The following EXOC4 variants were observed in gnomAD, a reference collection of about 807,000 sequenced individuals.
The protein encoded by EXOC4 is SEC8-like 1.
EXOC4 carries 71 observed loss-of-function variants against 107.2 expected under a neutral mutation model. The observed-to-expected ratio is 0.66, with a 90% CI of 0.55 to 0.81. The LOEUF is 0.81. EXOC4 is among the 30% of genes least tolerant of loss of function. EXOC4 has a pLI of 0.00. For missense variants in EXOC4, 1,108 were observed against 1,189.6 expected (o/e 0.93, Z 1.01); for synonymous variants, 456 against 441.2 (o/e 1.03, Z -0.42).
At chr7:133,432,004 G>T (rs1797866298) in intron 7 of EXOC4, among the ~76,000 whole-genome samples, 1 of 151,918 alleles carries the variant, frequency 6.6e-6, no homozygotes, top group Non-Finnish European at 1.5e-5. Flanking sequence ...ATTGATACCT[G>T]GTATTTAAAA....
At chr7:133,734,004 G>A (rs1795385707) in intron 10 of EXOC4, among the ~76,000 whole-genome samples, 2 of 152,138 alleles carry the variant, frequency 1.3e-5, no homozygotes, top group Non-Finnish European at 2.9e-5. Context: ...CTTTTTAAAA[G>A]GGCTATTTTA....
chr7:133,842,989 T>C (rs1199615228), intron 11 of EXOC4, among the ~76,000 whole-genome samples: 1 of 152,184 alleles, frequency 6.6e-6, no homozygotes, highest in Non-Finnish European at 1.5e-5. Flanking sequence ...ATTTCTGCTC[T>C]CTAATAGGGC....
intron 14 of EXOC4, among the ~76,000 whole-genome samples, chr7:133,967,773 T>G (rs1351573248): frequency 2.6e-5 from 4 of 152,226 alleles, no homozygotes; most frequent in African/African-American, 4.8e-5. Context: ...TTAGAATAAG[T>G]GCAGTGTGGT....
chr7:133,759,735 G>C (rs1795994903), intron 10 of EXOC4, among the ~76,000 whole-genome samples: 1 of 152,128 alleles, frequency 6.6e-6, no homozygotes. Flanking sequence ...CTGCTTAGTT[G>C]GAATTCTGAT....
intron 5 of EXOC4, among the ~76,000 whole-genome samples, chr7:133,327,307 T>G (rs1795271464): frequency 6.6e-6 from 1 of 152,244 alleles, no homozygotes; most frequent in Non-Finnish European, 1.5e-5. Flanking sequence ...TCACTCATGC[T>G]GTGGGCTGTA....
At chr7:133,639,595 G>A (rs1035956560) in intron 10 of EXOC4, among the ~76,000 whole-genome samples, 2 of 152,122 alleles carry the variant, frequency 1.3e-5, no homozygotes, top group African/African-American at 4.8e-5. Context: ...AGAAGAGCCA[G>A]CTAGAAAGGA....
chr7:133,958,091 A>G (rs557067266), intron 14 of EXOC4, among the ~76,000 whole-genome samples: 5 of 152,350 alleles, frequency 3.3e-5, no homozygotes, highest in African/African-American at 1.2e-4. Context: ...AGTTCAGGGC[A>G]TAACTCCTTG....
At chr7:133,352,888 C>A (rs1212950464) in intron 5 of EXOC4, among the ~76,000 whole-genome samples, 1 of 151,828 alleles carries the variant, frequency 6.6e-6, no homozygotes, top group Non-Finnish European at 1.5e-5. Flanking sequence ...GAATTTATAC[C>A]AGTTTAACTT....
intron 9 of EXOC4, among the ~76,000 whole-genome samples, chr7:133,614,309 C>A (rs1050558159): frequency 6.6e-6 from 1 of 152,034 alleles, no homozygotes; most frequent in Admixed American, 6.6e-5. Flanking sequence ...AGATGAACAG[C>A]AGTTGCCAGT....
At chr7:133,334,782 CTCA>C (rs1438199673) in intron 5 of EXOC4, among the ~76,000 whole-genome samples, 1 of 149,474 alleles carries the variant, frequency 6.7e-6, no homozygotes, top group African/African-American at 2.4e-5. Flanking sequence ...TCCATGTGTT[CTCA>C]TCATTTAGTT....
chr7:133,874,613 G>A (rs753923728), intron 11 of EXOC4, among the ~76,000 whole-genome samples: 3 of 152,172 alleles, frequency 2.0e-5, no homozygotes, highest in Non-Finnish European at 2.9e-5. Context: ...AGGTGCACGC[G>A]TAACTGAGGC....
intron 13 of EXOC4, among the ~76,000 whole-genome samples, chr7:133,931,214 T>C (rs1349768628): frequency 6.6e-6 from 1 of 152,214 alleles, no homozygotes; most frequent in Non-Finnish European, 1.5e-5. Flanking sequence ...ATAAGGTTAA[T>C]GACCAGGGTG....
At chr7:133,793,767 C>G (rs1043816025) in intron 10 of EXOC4, among the ~76,000 whole-genome samples, 2 of 152,184 alleles carry the variant, frequency 1.3e-5, no homozygotes, top group South Asian at 4.1e-4. Flanking sequence ...GTCTCTGGTA[C>G]CAGGAAGCAG....
At chr7:133,521,503 C>T (rs1004395190) in intron 9 of EXOC4, among the ~76,000 whole-genome samples, 1 of 152,116 alleles carries the variant, frequency 6.6e-6, no homozygotes, top group Non-Finnish European at 1.5e-5. Context: ...TATTCTCCCC[C>T]AATGTATTTT....
intron 10 of EXOC4, among the ~76,000 whole-genome samples, chr7:133,685,551 C>T (rs1794279387): frequency 6.6e-6 from 1 of 151,972 alleles, no homozygotes; most frequent in Non-Finnish European, 1.5e-5. Context: ...TCAGTTAGTT[C>T]CCAATAACTT....
At chr7:133,392,294 C>T (rs1040310845) in intron 7 of EXOC4, among the ~76,000 whole-genome samples, 4 of 152,042 alleles carry the variant, frequency 2.6e-5, no homozygotes, top group Non-Finnish European at 4.4e-5. Flanking sequence ...TTTTCTACAC[C>T]CAGGCACATT....
At chr7:133,408,131 ATGGAGG>A (rs1319421139) in intron 7 of EXOC4, among the ~76,000 whole-genome samples, 1 of 151,388 alleles carries the variant, frequency 6.6e-6, no homozygotes, top group Non-Finnish European at 1.5e-5. Context: ...GGTGGTGATA[ATGGAGG>A]TGGTGGTGCT....
chr7:133,475,893 T>C (rs1798999213), intron 8 of EXOC4, among the ~76,000 whole-genome samples: 1 of 152,180 alleles, frequency 6.6e-6, no homozygotes, highest in Admixed American at 6.5e-5. Flanking sequence ...ATGTGGTTAC[T>C]TGTTTAATAA....
intron 7 of EXOC4, among the ~76,000 whole-genome samples, chr7:133,406,517 G>A (rs143806718): frequency 2.0e-5 from 3 of 152,258 alleles, no homozygotes; most frequent in African/African-American, 7.2e-5. Context: ...TAAATTAGCA[G>A]TAAAGGGAAG....
Sources: gnomAD v4.1 joint callset for allele counts (sites outside exome capture counted in the v4.1 genomes callset) on GRCh38, gnomAD v4.1.1 for gene constraint, MANE v1.5 for transcripts, NCBI Gene and HGNC (gene_info 2026-07-23, HGNC 2026-07-21) for gene names.